The following RUFY1 variants were observed in gnomAD, a reference collection of about 807,000 sequenced individuals.
RUFY1 encodes RUN and FYVE domain containing 1.
RUFY1 carries 54 observed loss-of-function variants against 94.6 expected under a neutral mutation model. The observed-to-expected ratio is 0.57, with a 90% CI of 0.46 to 0.72. RUFY1 has a LOEUF of 0.72. Among genes scored for constraint, RUFY1 ranks in the 30% least tolerant of loss-of-function variants. RUFY1 has a pLI of 0.00. For missense variants in RUFY1, 883 were observed against 883.9 expected (o/e 1.00, Z 0.01); for synonymous variants, 396 against 347.3 (o/e 1.14, Z -1.56).
At chr5:179,586,283 A>G in intron 8 of RUFY1, 2 of 459,316 alleles carry the variant, frequency 4.4e-6, no homozygotes, top group Non-Finnish European at 8.7e-6. Flanking sequence ...CCTCAGGAGC[A>G]TGCAACCAGC....
At chr5:179,601,358 AGGGTTGCACCATGTTGGCC>A (rs796155929) in intron 14 of RUFY1, among the ~76,000 whole-genome samples, 3 of 151,510 alleles carry the variant, frequency 2.0e-5, no homozygotes, top group African/African-American at 7.3e-5. Flanking sequence ...TAGTGGAGAC[AGGGTTGCACCATGTTGGCC>A]GGGTTGGCCT....
In RUFY1 at chr5:179,591,782, C is replaced by T. The variant is rs377338041; in HGVS notation, c.1245+41C>T. 6.0e-5 allele frequency: 70 copies of T among 1,161,710 alleles called. 1 individual carries two copies. The highest frequency in any genetic ancestry group is 3.7e-4 in the South Asian group (27 of 72,846). 72.0% of individuals were successfully genotyped at this position (1,161,710 alleles called of 1,614,324 possible). On this transcript the variant is annotated intron_variant, in intron 10 of 17. Coordinates refer to ENST00000319449, the MANE Select transcript of RUFY1 (RefSeq NM_025158.5). Reference sequence around the variant, plus strand: ...CGAGTGTCTTTAGAAAGAGTTTCCCCGTAGTGTTAATTCTGTCAACACTTT... The same window carrying T: ...CGAGTGTCTTTAGAAAGAGTTTCCCTGTAGTGTTAATTCTGTCAACACTTT...
intron 12 of RUFY1, chr5:179,596,041 A>T (rs1765606927): frequency 6.2e-6 from 1 of 161,764 alleles, no homozygotes; most frequent in Non-Finnish European, 1.4e-5. Context: ...ACTAGTACAT[A>T]TGTTTATAGC....
chr5:179,579,304 G>T (rs6886437), intron 6 of RUFY1, among the ~76,000 whole-genome samples: 151,768 of 152,354 alleles, frequency 1, 75,594 homozygotes, highest in Middle Eastern at 1. Flanking sequence ...GGCCAAATAC[G>T]TCAGAGGAAC....
At chr5:179,562,739 C>G in intron 3 of RUFY1, 75 bp downstream of exon 3, 1 of 803,698 alleles carries the variant, frequency 1.2e-6, no homozygotes. Flanking sequence ...CAATTCCTTG[C>G]TGATGAAGCC....
In RUFY1 at chr5:179,596,452, A is replaced by T. The variant is rs895006727; in HGVS notation, c.1512-110A>T. On this transcript the variant is annotated intron_variant, in intron 12 of 17. Transcript: ENST00000319449. ...GAATCTCCACGTGTTAAAACTCACA[A>T]GAGTTAATTTTACTGTATGGTAATT... The T allele has an allele frequency of 3.8e-5, 52 of 1,369,714 alleles. No homozygotes were observed. The African/African-American group carries it at 6.3e-4, about 17-fold the overall frequency. The allele number at this position is 1,369,714 out of a possible 1,614,324, so 84.8% of individuals were successfully genotyped here. A position where few individuals can be genotyped will look rare whatever the true frequency, so the allele number is the denominator to read the frequency against.
chr5:179,596,206 A>G, intron 12 of RUFY1: 1 of 325,236 alleles, frequency 3.1e-6, no homozygotes, highest in Non-Finnish European at 5.8e-6. Context: ...AGGAAACAAA[A>G]GGCATGAACC....
chr5:179,595,603 G>GT (rs1765558832), intron 12 of RUFY1, among the ~76,000 whole-genome samples: 2 of 150,820 alleles, frequency 1.3e-5, no homozygotes, highest in Admixed American at 6.6e-5. Flanking sequence ...CCAGGCTAGA[G>GT]TGCAATGGTG....
chr5:179,592,020 A>C (rs1275405938), intron 10 of RUFY1, among the ~76,000 whole-genome samples: 5 of 152,174 alleles, frequency 3.3e-5, no homozygotes, highest in African/African-American at 1.2e-4. Flanking sequence ...ATCTTGGCCC[A>C]CTGCAAACTC....
chr5:179,597,305 G>T (rs964209658), intron 13 of RUFY1, among the ~76,000 whole-genome samples: 1 of 151,692 alleles, frequency 6.6e-6, no homozygotes, highest in Admixed American at 6.6e-5. Flanking sequence ...GCGCGATCTC[G>T]GCTCACTGCA....
At chr5:179,561,783 C>T (rs947870917) in intron 2 of RUFY1, among the ~76,000 whole-genome samples, 4 of 144,846 alleles carry the variant, frequency 2.8e-5, no homozygotes, top group African/African-American at 1.0e-4. Flanking sequence ...CCCAGGTTCA[C>T]GCCATTCTCC....
chr5:179,577,088 A>T lies in RUFY1; in HGVS notation c.842A>T (p.Asp281Val). ...EDLDSQVGVI[D>V]FSLYLKDVQD... is the part of the protein sequence containing the mutation. ...TATTTCGTTTAGGTTGGAGTAATAG[A>T]TTTTTCCCTCTACCTTAAGGATGTG... The change falls in exon 6 of 18, where the codon GAT becomes GTT. Residue 281 changes from aspartate (D) to valine (V), a missense_variant. Coordinates refer to ENST00000319449, the MANE Select transcript of RUFY1 (RefSeq NM_025158.5). 6.5e-7 allele frequency: 1 copy of T among 1,546,722 alleles called. No homozygotes were observed. The highest frequency in any genetic ancestry group is 8.8e-7 in the Non-Finnish European group (1 of 1,138,498).
chr5:179,551,036 T>C (rs1289027072), intron 1 of RUFY1, among the ~76,000 whole-genome samples, 157 bp downstream of exon 1: 1 of 151,884 alleles, frequency 6.6e-6, no homozygotes, highest in East Asian at 1.9e-4. Context: ...CCTGGGTCTT[T>C]ACTCCGGCGG....
intron 15 of RUFY1, chr5:179,602,579 A>G (rs1185202575): frequency 6.6e-6 from 1 of 152,312 alleles, no homozygotes; most frequent in Non-Finnish European, 1.5e-5. Context: ...CACACTGCGG[A>G]CTGTGGAACT....
intron 2 of RUFY1, among the ~76,000 whole-genome samples, chr5:179,561,666 G>GT (rs1346446575): frequency 1.8e-5 from 2 of 110,378 alleles, no homozygotes; most frequent in Admixed American, 9.1e-5. Flanking sequence ...TAAGGCAACT[G>GT]TTTTTTTCTT....
intron 8 of RUFY1, among the ~76,000 whole-genome samples, chr5:179,587,581 T>A (rs1383921312): frequency 1.0e-5 from 1 of 100,028 alleles, no homozygotes; most frequent in Admixed American, 1.1e-4. Context: ...TTTTTTTTTT[T>A]AGTAGAGATG....
In RUFY1 at chr5:179,609,820, T is replaced by C. The variant is rs1014900328; in HGVS notation, c.*301T>C. 6.8e-5 allele frequency: 20 copies of C among 293,836 alleles called. No individual in the cohort carries two copies. The highest frequency in any genetic ancestry group is 5.1e-5 in the Non-Finnish European group (8 of 157,762). 18.2% of individuals were successfully genotyped at this position (293,836 alleles called of 1,614,324 possible). A position where few individuals can be genotyped will look rare whatever the true frequency, so the allele number is the denominator to read the frequency against. ...TTCACTTTTCAAAGAATTTAACCTA[T>C]TTTACAGCAGTTCAGTTCTGCTAGT... is the stretch of plus-strand genomic sequence containing the variant. On this transcript the variant is annotated 3_prime_UTR_variant, in exon 18 of 18. Transcript: ENST00000319449.
At chr5:179,585,237 A>G (rs1217308744) in intron 7 of RUFY1, among the ~76,000 whole-genome samples, 3 of 152,162 alleles carry the variant, frequency 2.0e-5, no homozygotes, top group African/African-American at 7.2e-5. Flanking sequence ...TTTGGTTTCT[A>G]TCACCATTTG....
chr5:179,577,152 T>C lies in RUFY1; in HGVS notation c.890+16T>C, dbSNP rs1763675713. ...GTGGCAAGGAGTAAGTACTGCGTTG[T>C]ATGTCACTTTTTTTTTTTTTTTTTT... On this transcript the variant is annotated intron_variant, in intron 6 of 17. Transcript: ENST00000319449. The C allele has an allele frequency of 3.0e-6, 4 of 1,317,610 alleles. No individual in the cohort carries two copies. Among genetic ancestry groups the C allele is most frequent in the Non-Finnish European group, 4.2e-6 (4 of 944,356 alleles). The allele number at this position is 1,317,610 out of a possible 1,614,324, so 81.6% of individuals were successfully genotyped here.
Sources: allele counts gnomAD v4.1 joint callset (sites outside exome capture counted in the v4.1 genomes callset), GRCh38; gene constraint gnomAD v4.1.1; transcripts MANE v1.5; gene names NCBI Gene and HGNC (gene_info 2026-07-23, HGNC 2026-07-21).